Variants in PREX1 observed in about 807,000 individuals in gnomAD.
PREX1 encodes the protein phosphatidylinositol 3,4,5-trisphosphate-dependent Rac exchanger 1 protein.
PREX1 carries 41 observed loss-of-function variants against 198.3 expected under a neutral mutation model. The ratio of observed to expected loss-of-function variants is 0.21; its 90% CI spans 0.16 to 0.27. The LOEUF is 0.27. Ranked by LOEUF, PREX1 falls within the 10% of genes least tolerant of loss-of-function variation. PREX1 has a pLI of 1.00. For synonymous variants in PREX1, 843 were observed against 887.2 expected (o/e 0.95, Z 0.89); for missense variants, 1,620 against 2,200.7 (o/e 0.74, Z 5.28).
At chr20:48,652,516 G>A (rs2089507043) in intron 21 of PREX1, 70 bp downstream of exon 21, 47 of 1,514,312 alleles carry the variant, frequency 3.1e-5, no homozygotes, top group Non-Finnish European at 4.1e-5. Flanking sequence ...GGGACAACAG[G>A]AGAGGACCCA....
chr20:48,718,999 A>G (rs2089974072), intron 5 of PREX1, among the ~76,000 whole-genome samples: 2 of 152,250 alleles, frequency 1.3e-5, no homozygotes, highest in Non-Finnish European at 2.9e-5. Flanking sequence ...CCATTTACTC[A>G]GTAGTATGCA....
Position 48,827,608 on chromosome 20 carries a change from G to T in PREX1, c.219+34C>A. On this transcript the variant is annotated intron_variant, in intron 1 of 39. Transcript: ENST00000371941. This position sits in a 1 kb window ranked among gnomAD's most constrained non-coding sequence, Gnocchi z 4.1. ...CCGCAGCGGGGCGAGCGGCTGGAGG[G>T]AAAGCTGTCCCCAAGCTCCCGAGCG... The T allele has an allele frequency of 8.1e-7, 1 of 1,239,554 alleles. No individual in the cohort carries two copies. Among genetic ancestry groups the T allele is most frequent in the East Asian group, 3.1e-5 (1 of 31,792 alleles). 76.8% of individuals were successfully genotyped at this position (1,239,554 alleles called of 1,614,324 possible). A position where few individuals can be genotyped will look rare whatever the true frequency, so the allele number is the denominator to read the frequency against.
At chr20:48,813,896 T>C (rs1016447216) in intron 1 of PREX1, among the ~76,000 whole-genome samples, 1 of 152,162 alleles carries the variant, frequency 6.6e-6, no homozygotes, top group Non-Finnish European at 1.5e-5. Flanking sequence ...TAAGGGAATG[T>C]GCTTTTGATA....
In PREX1 at chr20:48,745,094, G is replaced by A. The variant is rs374670295; in HGVS notation, c.345C>T (p.Ala115=). Residue 115 remains alanine (A), a synonymous_variant, in exon 3 of 40, where the codon GCC becomes GCT. Coordinates refer to ENST00000371941, the MANE Select transcript of PREX1 (RefSeq NM_020820.4). ...DILEVHKDFL[A]ALEYCLHPEP... ...CCGGGTGTAAACAATACTCCAAGGCGGCCAAGAAATCCTTATGAACTTCCA... is the reference window on the plus strand; with the variant it reads ...CCGGGTGTAAACAATACTCCAAGGCAGCCAAGAAATCCTTATGAACTTCCA... 9.3e-6 allele frequency: 15 copies of A among 1,613,986 alleles called. No homozygotes were observed. Among genetic ancestry groups the A allele is most frequent in the African/African-American group, 5.3e-5 (4 of 74,912 alleles).
chr20:48,705,393 G>T (rs1236094906), intron 6 of PREX1, among the ~76,000 whole-genome samples: 1 of 152,198 alleles, frequency 6.6e-6, no homozygotes, highest in African/African-American at 2.4e-5. Context: ...ATTCATGAAT[G>T]ATGCAACCTC....
chr20:48,630,549 T>C (rs2089305600), intron 36 of PREX1, among the ~76,000 whole-genome samples, 179 bp downstream of exon 36: 2 of 151,580 alleles, frequency 1.3e-5, no homozygotes, highest in African/African-American at 2.4e-5. Flanking sequence ...TCCCAGGAAG[T>C]TGGGAATGGG....
chr20:48,805,382 G>A (rs760820265), intron 1 of PREX1, among the ~76,000 whole-genome samples: 11 of 152,248 alleles, frequency 7.2e-5, no homozygotes, highest in South Asian at 2.1e-4. Context: ...TGAGCCACCC[G>A]GCCAAGGCCA....
intron 5 of PREX1, among the ~76,000 whole-genome samples, chr20:48,725,723 G>A (rs893481563): frequency 2.0e-5 from 3 of 152,212 alleles, no homozygotes; most frequent in African/African-American, 7.2e-5. Context: ...TGGTTCAGGA[G>A]TGCAGCACCT....
chr20:48,734,584 C>A lies in PREX1; in HGVS notation c.481G>T (p.Glu161Ter). 6.2e-7 allele frequency: 1 copy of A among 1,614,178 alleles called. No individual in the cohort carries two copies. The highest frequency in any genetic ancestry group is 2.2e-5 in the East Asian group (1 of 44,886). ...CGCACGGTAGGGATCTTGTTCAGCT[C>A]CACCAGCAGCCTCAGGGCTTTCTCA... The part of the protein sequence containing the change: ...NHEKALRLLV[E>*]LNKIPTVRAF... Residue 161 changes from glutamate to a stop codon, truncating the protein, a stop_gained, in exon 4 of 40, where the codon GAG (glutamate) becomes TAG (stop). Transcript: ENST00000371941. LOFTEE classifies it high-confidence loss of function.
At chr20:48,746,451 T>C (rs887321846) in intron 2 of PREX1, among the ~76,000 whole-genome samples, 7 of 152,172 alleles carry the variant, frequency 4.6e-5, no homozygotes, top group Admixed American at 2.6e-4. Context: ...CACACAGCAA[T>C]GAAAAAGAGT....
At chr20:48,840,349 A>T in the PREX1 span, among the ~76,000 whole-genome samples, 4 of 147,026 alleles carry the variant, frequency 2.7e-5, no homozygotes, top group African/African-American at 1.0e-4. Context: ...CAAAAAAAAA[A>T]AAAAAGAAAA....
At chr20:48,851,502 G>A in the PREX1 span, among the ~76,000 whole-genome samples, 1,518 of 152,176 alleles carry the variant, frequency 1.0e-2, 19 homozygotes, top group African/African-American at 0.034. Flanking sequence ...GCAAGACTCC[G>A]TTTAAAAATA....
intron 1 of PREX1, among the ~76,000 whole-genome samples, chr20:48,796,911 G>A (rs1021002635): frequency 1.3e-5 from 2 of 151,550 alleles, no homozygotes; most frequent in Admixed American, 1.3e-4. Context: ...ACTAATCTTC[G>A]CAGATACAAA....
rs140588831 is a variant in PREX1, at chr20:48,664,007, C to T, written c.1738+2276G>A. On this transcript the variant is annotated intron_variant, in intron 15 of 39. Coordinates refer to ENST00000371941, the MANE Select transcript of PREX1 (RefSeq NM_020820.4). ...TGCCTGGAACACCAAAGACACCACACGTGATGTCAGAATGAACAAAGACAG... is the reference window on the plus strand; with the variant it reads ...TGCCTGGAACACCAAAGACACCACATGTGATGTCAGAATGAACAAAGACAG... Among the ~76,000 whole-genome samples, 235 of 152,284 alleles carry T rather than the reference C, an allele frequency of 1.5e-3. 1 individual carries two copies. The highest frequency in any genetic ancestry group is 2.7e-3 in the Non-Finnish European group (185 of 68,032).
intron 3 of PREX1, among the ~76,000 whole-genome samples, chr20:48,743,507 CT>C (rs1275856835): frequency 1.3e-5 from 2 of 152,212 alleles, no homozygotes; most frequent in African/African-American, 2.4e-5. Flanking sequence ...CTTCCCTCCT[CT>C]GCTCAATGCC....
At chr20:48,663,692 A>T (rs2089613392) in intron 15 of PREX1, among the ~76,000 whole-genome samples, 1 of 152,216 alleles carries the variant, frequency 6.6e-6, no homozygotes, top group Non-Finnish European at 1.5e-5. Context: ...AGTTAGAACT[A>T]AAAAAGCCAA....
intron 1 of PREX1, among the ~76,000 whole-genome samples, chr20:48,811,967 G>A (rs1015333337): frequency 3.9e-5 from 6 of 152,232 alleles, no homozygotes; most frequent in South Asian, 2.1e-4. Context: ...GGGATCCCCA[G>A]GCCAAGTGAC....
chr20:48,746,990 ACACACACACACACACACACACC>A (rs1459954457), intron 2 of PREX1, among the ~76,000 whole-genome samples: 3 of 70,018 alleles, frequency 4.3e-5, no homozygotes, highest in Non-Finnish European at 1.0e-4. Flanking sequence ...ACACACACAC[ACACACACACACACACACACACC>A]CCACCCCCAG....
At chr20:48,862,812 T>TAC in the PREX1 span, among the ~76,000 whole-genome samples, 1 of 131,664 alleles carries the variant, frequency 7.6e-6, no homozygotes, top group African/African-American at 2.8e-5. Context: ...TATATATATA[T>TAC]ACTAATAAAC....
Sources: gnomAD v4.1 joint callset for allele counts (sites outside exome capture counted in the v4.1 genomes callset) on GRCh38, gnomAD v4.1.1 for gene constraint, Gnocchi (gnomAD v3.1) non-coding constraint, MANE v1.5 for transcripts, NCBI Gene and HGNC (gene_info 2026-07-23, HGNC 2026-07-21) for gene names.